ZNF83: variants seen among roughly 807,000 people sequenced by gnomAD.
ZNF83 encodes the protein zinc finger protein 816B.
For missense variants in ZNF83, 552 were observed against 629.9 expected (o/e 0.88, Z 1.32); for synonymous variants, 209 against 213.0 (o/e 0.98, Z 0.17).
At chr19:52,678,749 G>T (rs2061859958) in intron 1 of ZNF83, among the ~76,000 whole-genome samples, 1 of 152,052 alleles carries the variant, frequency 6.6e-6, no homozygotes, top group Non-Finnish European at 1.5e-5. Context: ...CAAGGTGGGT[G>T]TATCACCTGA....
intron 2 of ZNF83, among the ~76,000 whole-genome samples, chr19:52,616,243 G>C (rs2060300368): frequency 6.6e-6 from 1 of 152,176 alleles, no homozygotes; most frequent in Non-Finnish European, 1.5e-5. Context: ...GTAAATTATT[G>C]CTTTTCAAAT....
At chr19:52,653,318 G>A in intron 3 of ZNF83, 1 of 1,329,862 alleles carries the variant, frequency 7.5e-7, no homozygotes, top group Admixed American at 1.7e-5. Flanking sequence ...CATGTGTAAG[G>A]TTTCTCTCCA....
chr19:52,618,548 C>T (rs1278726287), intron 2 of ZNF83: 4 of 212,626 alleles, frequency 1.9e-5, no homozygotes, highest in Non-Finnish European at 3.7e-5. Flanking sequence ...AGGCGTGAGC[C>T]ACCGCGCCTG....
chr19:52,613,216 A>T, exon 3 of ZNF83: 1 of 1,614,000 alleles, frequency 6.2e-7, no homozygotes, highest in East Asian at 2.2e-5. Flanking sequence ...TCCAGTGTGA[A>T]TTTTCCGATG....
chr19:52,686,521 T>G (rs2062019597), intron 1 of ZNF83, among the ~76,000 whole-genome samples: 1 of 150,810 alleles, frequency 6.6e-6, no homozygotes, highest in African/African-American at 2.4e-5. Context: ...AAAAGAAATC[T>G]ATTACACAAC....
intron 2 of ZNF83, among the ~76,000 whole-genome samples, chr19:52,623,470 C>T (rs1201568236): frequency 6.6e-6 from 1 of 152,162 alleles, no homozygotes; most frequent in Non-Finnish European, 1.5e-5. Context: ...TTTATGCACT[C>T]CTTTTTAGTT....
intron 1 of ZNF83, among the ~76,000 whole-genome samples, chr19:52,678,132 C>A (rs563723375): frequency 1.3e-5 from 2 of 151,822 alleles, no homozygotes; most frequent in South Asian, 2.1e-4. Context: ...AACAATAATG[C>A]GCTAACTAAA....
intron 2 of ZNF83, among the ~76,000 whole-genome samples, chr19:52,622,374 G>C (rs868359108): frequency 4.6e-5 from 7 of 152,224 alleles, no homozygotes; most frequent in African/African-American, 1.7e-4. Context: ...AACCTGGAGT[G>C]ACTTAAATGT....
chr19:52,665,211 C>T (rs1744349314), intron 1 of ZNF83, among the ~76,000 whole-genome samples: 2 of 152,030 alleles, frequency 1.3e-5, no homozygotes, highest in Admixed American at 6.6e-5. Context: ...GGGTGGGGAG[C>T]AGAGGGCTCA....
At chr19:52,652,762 A>G (rs2061458552) in intron 3 of ZNF83, 3 of 808,608 alleles carry the variant, frequency 3.7e-6, no homozygotes, top group Non-Finnish European at 6.1e-6. Flanking sequence ...TTGATGATGA[A>G]TAAGTGATGA....
exon 3 of ZNF83, chr19:52,612,689 G>GT (rs1180681119): frequency 3.5e-6 from 1 of 289,702 alleles, no homozygotes; most frequent in Non-Finnish European, 6.4e-6. Flanking sequence ...CACTCTCAGT[G>GT]TTTTTGTTTC....
intron 2 of ZNF83, 127 bp from the exon 3 acceptor site, chr19:52,614,924 C>A: frequency 1.1e-6 from 1 of 952,160 alleles, no homozygotes; most frequent in Non-Finnish European, 1.4e-6. Context: ...AACTCCCATT[C>A]ATGATTTTTA....
chr19:52,675,857 G>A (rs968258302), intron 1 of ZNF83, among the ~76,000 whole-genome samples: 5 of 152,148 alleles, frequency 3.3e-5, no homozygotes, highest in African/African-American at 9.7e-5. Flanking sequence ...ATTGACCAGA[G>A]GTTAACTATA....
intron 2 of ZNF83, among the ~76,000 whole-genome samples, chr19:52,659,500 G>A (rs995135132): frequency 2.0e-5 from 3 of 151,856 alleles, no homozygotes; most frequent in African/African-American, 4.8e-5. Context: ...GGAATTATCT[G>A]TGTGTCAGTG....
chr19:52,678,772 A>G (rs2061860240), intron 1 of ZNF83, among the ~76,000 whole-genome samples: 1 of 152,082 alleles, frequency 6.6e-6, no homozygotes, highest in African/African-American at 2.4e-5. Flanking sequence ...TAAAGAGTTC[A>G]AGACCAGCCT....
At chr19:52,628,731 C>A (rs2060837116) in intron 2 of ZNF83, among the ~76,000 whole-genome samples, 1 of 151,960 alleles carries the variant, frequency 6.6e-6, no homozygotes, top group South Asian at 2.1e-4. Flanking sequence ...TTCTGGGGGG[C>A]AAGAAACCCC....
At chr19:52,639,377 C>T (rs961946322), upstream of ZNF83, among the ~76,000 whole-genome samples, 4 of 144,090 alleles carry the variant, frequency 2.8e-5, no homozygotes, top group African/African-American at 7.7e-5. Context: ...TGAGCCACCG[C>T]GCCCGGCTTA....
At chr19:52,631,955 C>T (rs1264314457) in intron 2 of ZNF83, among the ~76,000 whole-genome samples, 2 of 143,494 alleles carry the variant, frequency 1.4e-5, no homozygotes, top group Non-Finnish European at 3.0e-5. Context: ...CTTCCCTACA[C>T]ATCAAGCTCG....
intron 2 of ZNF83, among the ~76,000 whole-genome samples, chr19:52,621,479 C>T (rs965291227): frequency 6.6e-6 from 1 of 152,120 alleles, no homozygotes; most frequent in African/African-American, 2.4e-5. Flanking sequence ...GGATGCCTGT[C>T]TGATTATTCA....
Sources: gnomAD v4.1 joint callset for allele counts (sites outside exome capture counted in the v4.1 genomes callset) on GRCh38, gnomAD v4.1.1 for gene constraint, MANE v1.5 for transcripts, NCBI Gene and HGNC (gene_info 2026-07-23, HGNC 2026-07-21) for gene names.